Variants in CISD2 observed in about 807,000 individuals in gnomAD.
CISD2 encodes CDGSH iron-sulfur domain-containing protein 2.
In CISD2, 1 loss-of-function variant was observed where a neutral mutation model predicts 12.9. That is an observed-to-expected ratio of 0.08 (90% CI 0.03 to 0.37). The LOEUF is 0.37. Among genes scored for constraint, CISD2 ranks in the 10% least tolerant of loss-of-function variants. The probability of loss-of-function intolerance (pLI) is 0.99; values close to 1 mark genes in which losing one functional copy is unlikely to be tolerated. For missense variants in CISD2, 97 were observed against 163.1 expected, an observed-to-expected ratio of 0.59 and a Z score of 2.21; for synonymous variants, 50 against 60.6, an observed-to-expected ratio of 0.83 and a Z score of 0.81.
At chr4:102,887,256 T>C in intron 2 of CISD2, 85 bp from the exon 3 acceptor site, 1 of 837,712 alleles carries the variant, frequency 1.2e-6, no homozygotes, top group Non-Finnish European at 2.0e-6. Context: ...AGTGATATGC[T>C]TTCTTTCTGA....
In CISD2 at chr4:102,887,644, A is replaced by G; in HGVS notation, c.*214A>G. 1 of 388,300 alleles carries G rather than the reference A, an allele frequency of 2.6e-6. No individual in the cohort carries two copies. Among genetic ancestry groups the G allele is most frequent in the Non-Finnish European group, 4.7e-6 (1 of 214,752 alleles). The allele number at this position is 388,300 out of a possible 1,614,324, so 24.1% of individuals were successfully genotyped here. On this transcript the variant is annotated 3_prime_UTR_variant, in exon 3 of 3. Transcript: ENST00000273986. ...CAAAGAATTAATGTATCTTCCAACA[A>G]TAAAATCACTTCTGATTTTAATCTA...
chr4:102,885,946 G>A (rs1243243779), intron 2 of CISD2, among the ~76,000 whole-genome samples: 2 of 152,072 alleles, frequency 1.3e-5, no homozygotes, highest in Non-Finnish European at 2.9e-5. Flanking sequence ...TTTTAATGTG[G>A]GAAGGAGTTT....
At chr4:102,887,195 G>C in intron 2 of CISD2, 146 bp from the exon 3 acceptor site, 1 of 589,200 alleles carries the variant, frequency 1.7e-6, no homozygotes, top group Non-Finnish European at 3.1e-6. Flanking sequence ...TGGTTCAGTT[G>C]GATGTAGAAT....
chr4:102,872,626 T>C (rs534311580), intron 1 of CISD2, among the ~76,000 whole-genome samples: 1 of 152,332 alleles, frequency 6.6e-6, no homozygotes, highest in East Asian at 1.9e-4. Context: ...TAATTCCTCA[T>C]TAAGATCGGA....
At chr4:102,885,974 A>G (rs185370987) in intron 2 of CISD2, among the ~76,000 whole-genome samples, 61 of 152,314 alleles carry the variant, frequency 4.0e-4, no homozygotes, top group African/African-American at 1.4e-3. Flanking sequence ...TAAGTACTAT[A>G]AGTAGTTGAC....
intron 1 of CISD2, 157 bp downstream of exon 1, chr4:102,869,344 C>A (rs767405249): frequency 6.2e-6 from 6 of 971,738 alleles, no homozygotes; most frequent in South Asian, 5.5e-5. Context: ...ACGCAGCTGC[C>A]TGGGGAACGC....
chr4:102,875,822 T>C (rs1308948575), intron 1 of CISD2, among the ~76,000 whole-genome samples: 2 of 152,240 alleles, frequency 1.3e-5, no homozygotes, highest in African/African-American at 4.8e-5. Flanking sequence ...GGGTTCCTAC[T>C]TCATTCGTTT....
chr4:102,885,056 G>A, intron 1 of CISD2, 160 bp from the exon 2 acceptor site: 1 of 645,686 alleles, frequency 1.5e-6, no homozygotes, highest in East Asian at 2.9e-5. Context: ...GTCTTTGGTA[G>A]AGCTGGCTTT....
chr4:102,872,447 A>G (rs1733480273), intron 1 of CISD2, among the ~76,000 whole-genome samples: 1 of 152,234 alleles, frequency 6.6e-6, no homozygotes, highest in African/African-American at 2.4e-5. Flanking sequence ...AGAAATAGAA[A>G]TAATTTCTGT....
At chr4:102,869,872 A>G (rs1242775539) in intron 1 of CISD2, among the ~76,000 whole-genome samples, 1 of 152,154 alleles carries the variant, frequency 6.6e-6, no homozygotes, top group Non-Finnish European at 1.5e-5. Context: ...AATTTAGTGA[A>G]TATATGTAAC....
At chr4:102,886,486 C>T (rs1578316617) in intron 2 of CISD2, among the ~76,000 whole-genome samples, 1 of 150,996 alleles carries the variant, frequency 6.6e-6, no homozygotes, top group African/African-American at 2.4e-5. Flanking sequence ...GTGAGACTGT[C>T]TCACAAAAAA....
chr4:102,873,501 C>T (rs552758936), intron 1 of CISD2, among the ~76,000 whole-genome samples: 2 of 152,154 alleles, frequency 1.3e-5, no homozygotes, highest in East Asian at 1.9e-4. Flanking sequence ...TCTTGAGCTC[C>T]TGAGCTTAAG....
intron 1 of CISD2, among the ~76,000 whole-genome samples, chr4:102,877,890 G>A (rs1733627934): frequency 6.6e-6 from 1 of 152,188 alleles, no homozygotes; most frequent in Non-Finnish European, 1.5e-5. Flanking sequence ...CCATGGCTGG[G>A]ACACAGGGCA....
chr4:102,876,717 T>G (rs1298303159), intron 1 of CISD2, among the ~76,000 whole-genome samples: 1 of 151,522 alleles, frequency 6.6e-6, no homozygotes, highest in Non-Finnish European at 1.5e-5. Context: ...GCCACTGCAC[T>G]CCAGCGTGGT....
intron 1 of CISD2, among the ~76,000 whole-genome samples, chr4:102,874,337 G>A (rs1341190183): frequency 6.6e-6 from 1 of 152,038 alleles, no homozygotes; most frequent in Non-Finnish European, 1.5e-5. Context: ...AAAGGGGAGG[G>A]AGGCAGGAGG....
intron 1 of CISD2, among the ~76,000 whole-genome samples, chr4:102,881,586 T>C (rs1389699947): frequency 6.6e-6 from 1 of 152,234 alleles, no homozygotes; most frequent in African/African-American, 2.4e-5. Flanking sequence ...AAAAACAGCC[T>C]GAATAAATGT....
intron 1 of CISD2, chr4:102,874,482 C>A (rs1733545399): frequency 6.6e-6 from 1 of 152,020 alleles, no homozygotes; most frequent in African/African-American, 2.4e-5. Context: ...AAATAAAAGT[C>A]GAAATTATAT....
At chr4:102,884,881 T>C (rs1733824045) in intron 1 of CISD2, among the ~76,000 whole-genome samples, 1 of 152,226 alleles carries the variant, frequency 6.6e-6, no homozygotes, top group South Asian at 2.1e-4. Context: ...AAAATATACA[T>C]TGAATTTTGT....
In CISD2 at chr4:102,889,332, G is replaced by A. The variant is rs1228100373; in HGVS notation, c.*1902G>A. On this transcript the variant is annotated 3_prime_UTR_variant, in exon 3 of 3. Transcript: ENST00000273986. ...CAGATTAACCAATTATTTTTCCACA[G>A]TTGGTCACCAGACTTTGGAAAAAAT... 2 of 152,240 alleles carry A rather than the reference G, an allele frequency of 1.3e-5. No individual in the cohort carries two copies. The highest frequency in any genetic ancestry group is 2.9e-5 in the Non-Finnish European group (2 of 68,032). 9.4% of individuals were successfully genotyped at this position (152,240 alleles called of 1,614,324 possible). A position where few individuals can be genotyped will look rare whatever the true frequency, so the allele number is the denominator to read the frequency against.
Sources: allele counts gnomAD v4.1 joint callset (sites outside exome capture counted in the v4.1 genomes callset), GRCh38; gene constraint gnomAD v4.1.1; transcripts MANE v1.5; gene names NCBI Gene and HGNC (gene_info 2026-07-23, HGNC 2026-07-21).